Variants in PSMA1 observed in about 807,000 individuals in gnomAD.
PSMA1 encodes proteasome 20S subunit alpha 1.
In PSMA1, 3 loss-of-function variants were observed where a neutral mutation model predicts 38.4. That is an observed-to-expected ratio of 0.08 (90% CI 0.04 to 0.20). PSMA1 has a LOEUF of 0.20. PSMA1 is among the 10% of genes least tolerant of loss of function. PSMA1 has a pLI of 1.00. For missense variants in PSMA1, 227 were observed against 325.3 expected, an observed-to-expected ratio of 0.70 and a Z score of 2.32; for synonymous variants, 101 against 107.1, an observed-to-expected ratio of 0.94 and a Z score of 0.35.
intron 2 of PSMA1, among the ~76,000 whole-genome samples, chr11:14,546,021 G>GT (rs1851822141): frequency 1.3e-5 from 2 of 150,152 alleles, no homozygotes; most frequent in East Asian, 3.9e-4. Context: ...AGACTCCTTT[G>GT]GGGGGGTCCA....
intron 2 of PSMA1, among the ~76,000 whole-genome samples, chr11:14,602,473 A>G (rs1445570284): frequency 1.3e-5 from 2 of 152,150 alleles, no homozygotes. Context: ...GGTATGAAAA[A>G]AAAATCATAG....
intron 1 of PSMA1, among the ~76,000 whole-genome samples, chr11:14,613,493 A>T (rs1325069141): frequency 6.6e-6 from 1 of 152,038 alleles, no homozygotes; most frequent in Admixed American, 6.5e-5. Context: ...ACCTCAGGTG[A>T]TCTGCCCACC....
intron 1 of PSMA1, among the ~76,000 whole-genome samples, chr11:14,639,525 T>C (rs950634844): frequency 5.9e-5 from 9 of 152,312 alleles, no homozygotes; most frequent in East Asian, 1.9e-4. Flanking sequence ...TGAGCTAAGA[T>C]TGAATAAGAG....
At chr11:14,616,725 G>A (rs1476964687) in intron 1 of PSMA1, among the ~76,000 whole-genome samples, 1 of 152,134 alleles carries the variant, frequency 6.6e-6, no homozygotes, top group Non-Finnish European at 1.5e-5. Context: ...ACATCATCCT[G>A]TGAGTAGATA....
intron 1 of PSMA1, among the ~76,000 whole-genome samples, chr11:14,615,339 T>C (rs1188368315): frequency 6.6e-6 from 1 of 152,206 alleles, no homozygotes; most frequent in Non-Finnish European, 1.5e-5. Context: ...TCCTCAGAGG[T>C]TGACCTCTTT....
Position 14,513,849 on chromosome 11 carries a change from A to G in PSMA1, c.382T>C (p.Tyr128His). ...CCAGCAATAAGGAGACCAACACCAT[A>G]TGGTCTCCGGCCATATCGTTGTGTT... Reference protein sequence around the residue: ...IPTQRYGRRPYGVGLLIAGYD... With the variant: ...IPTQRYGRRPHGVGLLIAGYD... The change falls in exon 6 of 10, where the codon TAT becomes CAT. Residue 128 changes from tyrosine to histidine, a missense_variant. Physicochemically the swap from Tyr to His is moderately conservative, Grantham distance 83. Coordinates refer to ENST00000396394, the MANE Select transcript of PSMA1 (RefSeq NM_002786.4). The G allele has an allele frequency of 6.2e-7, 1 of 1,601,752 alleles. No individual in the cohort carries two copies.
intron 1 of PSMA1, among the ~76,000 whole-genome samples, chr11:14,616,557 T>A (rs190907942): frequency 1.1e-3 from 167 of 152,194 alleles, no homozygotes; most frequent in South Asian, 2.7e-3. Context: ...TTAATAACAC[T>A]TTTTCCTGCT....
chr11:14,520,088 G>T, intron 1 of PSMA1: 1 of 718,164 alleles, frequency 1.4e-6, no homozygotes, highest in Non-Finnish European at 2.3e-6. Context: ...CCCGGGAAGC[G>T]AAAGCGGTGG....
At chr11:14,569,582 G>T (rs562926150) in intron 2 of PSMA1, among the ~76,000 whole-genome samples, 1 of 152,200 alleles carries the variant, frequency 6.6e-6, no homozygotes, top group Non-Finnish European at 1.5e-5. Flanking sequence ...GGCTCAGGGG[G>T]TCCCACACCC....
intron 2 of PSMA1, among the ~76,000 whole-genome samples, chr11:14,550,167 C>T (rs116770338): frequency 2.0e-3 from 302 of 152,256 alleles, no homozygotes; most frequent in African/African-American, 7.1e-3. Context: ...ATTATTATTT[C>T]AAGTTTACGT....
intron 2 of PSMA1, among the ~76,000 whole-genome samples, chr11:14,567,072 A>C (rs921420470): frequency 1.3e-5 from 2 of 152,210 alleles, no homozygotes; most frequent in Non-Finnish European, 2.9e-5. Flanking sequence ...GAGAAAGCAG[A>C]GGAAACCTGT....
At chr11:14,535,088 C>A (rs1437553707) in intron 2 of PSMA1, among the ~76,000 whole-genome samples, 1 of 150,518 alleles carries the variant, frequency 6.6e-6, no homozygotes, top group Non-Finnish European at 1.5e-5. Flanking sequence ...AAAACAAAAA[C>A]AAAAAACAAA....
At chr11:14,633,424 G>A (rs1227719625) in intron 1 of PSMA1, among the ~76,000 whole-genome samples, 9 of 151,818 alleles carry the variant, frequency 5.9e-5, no homozygotes, top group East Asian at 1.9e-4. Context: ...GCCCCTGCTG[G>A]GGGGTGCCTC....
intron 9 of PSMA1, among the ~76,000 whole-genome samples, chr11:14,506,499 G>A (rs1851247281): frequency 6.6e-6 from 1 of 151,742 alleles, no homozygotes; most frequent in South Asian, 2.1e-4. Context: ...TTCCATACTA[G>A]ATTCTTTTTT....
At chr11:14,599,240 A>G (rs1354008394) in intron 2 of PSMA1, among the ~76,000 whole-genome samples, 2 of 152,168 alleles carry the variant, frequency 1.3e-5, no homozygotes, top group Non-Finnish European at 2.9e-5. Context: ...CTTGAGGAGT[A>G]TCTTTATAGT....
At chr11:14,564,219 T>C (rs771082364) in intron 2 of PSMA1, among the ~76,000 whole-genome samples, 42 of 152,114 alleles carry the variant, frequency 2.8e-4, no homozygotes, top group Non-Finnish European at 1.6e-4. Context: ...CCACCTACTC[T>C]GTTACCCTGG....
At chr11:14,592,282 C>T (rs1281988236) in intron 2 of PSMA1, among the ~76,000 whole-genome samples, 8 of 152,096 alleles carry the variant, frequency 5.3e-5, no homozygotes, top group African/African-American at 9.7e-5. Flanking sequence ...CAGGACCTTC[C>T]GCTGCTCGCT....
intron 2 of PSMA1, among the ~76,000 whole-genome samples, chr11:14,537,414 C>A (rs1366289000): frequency 6.6e-6 from 1 of 152,066 alleles, no homozygotes; most frequent in East Asian, 1.9e-4. Context: ...TTAAGAATAA[C>A]ACATACAAAT....
At chr11:14,600,262 A>G (rs1677707899) in intron 2 of PSMA1, among the ~76,000 whole-genome samples, 1 of 152,150 alleles carries the variant, frequency 6.6e-6, no homozygotes, top group Admixed American at 6.5e-5. Context: ...TGCTGGGAGA[A>G]CCACTGCTCT....
Sources: gnomAD v4.1 joint callset for allele counts (sites outside exome capture counted in the v4.1 genomes callset) on GRCh38, gnomAD v4.1.1 for gene constraint, MANE v1.5 for transcripts, NCBI Gene and HGNC (gene_info 2026-07-23, HGNC 2026-07-21) for gene names.